Variants in MACROD2 observed in about 807,000 individuals in gnomAD.
The protein encoded by MACROD2 is mono-ADP ribosylhydrolase 2, also known as ADP-ribose glycohydrolase MACROD2.
Under a neutral mutation model 70.4 loss-of-function variants are expected in MACROD2, and 36 were observed. That is an observed-to-expected ratio of 0.51 (90% CI 0.39 to 0.68). The LOEUF is 0.68. MACROD2 is among the 30% of genes least tolerant of loss of function. The pLI is 0.00. For synonymous variants in MACROD2, 172 were observed against 178.8 expected (o/e 0.96, Z 0.30); for missense variants, 496 against 538.4 (o/e 0.92, Z 0.78).
intron 8 of MACROD2, among the ~76,000 whole-genome samples, chr20:15,622,407 C>T (rs1197927773): frequency 6.6e-6 from 1 of 152,154 alleles, no homozygotes; most frequent in African/African-American, 2.4e-5. Context: ...CAAAAAATGG[C>T]ATTACTACTC....
chr20:14,607,822 G>C (rs1982902639), intron 4 of MACROD2, among the ~76,000 whole-genome samples: 2 of 152,074 alleles, frequency 1.3e-5, no homozygotes, highest in African/African-American at 4.8e-5. Flanking sequence ...AGAATCCCAA[G>C]AAGGGCAAAT....
intron 7 of MACROD2, among the ~76,000 whole-genome samples, chr20:15,492,295 G>A (rs1432799362): frequency 6.6e-6 from 1 of 151,626 alleles, no homozygotes; most frequent in African/African-American, 2.4e-5. Context: ...GTTGACAAAA[G>A]CTGTTTTGAG....
chr20:15,752,432 T>G (rs2146983399), intron 8 of MACROD2, among the ~76,000 whole-genome samples: 1 of 152,186 alleles, frequency 6.6e-6, no homozygotes, highest in Non-Finnish European at 1.5e-5. Context: ...TCTCTTTAGT[T>G]GTGATTTCTC....
chr20:14,718,043 C>T (rs976921268), intron 5 of MACROD2, among the ~76,000 whole-genome samples: 1 of 151,640 alleles, frequency 6.6e-6, no homozygotes, highest in Admixed American at 6.6e-5. Flanking sequence ...GCCTGTAATC[C>T]CAGCACTTTG....
chr20:16,042,850 G>T (rs1213110561), intron 16 of MACROD2, among the ~76,000 whole-genome samples: 2 of 152,006 alleles, frequency 1.3e-5, no homozygotes, highest in African/African-American at 4.8e-5. Flanking sequence ...ACTGAGACCT[G>T]CTTTTAAAAC....
chr20:14,312,343 G>A (rs1338292903), intron 3 of MACROD2, among the ~76,000 whole-genome samples: 1 of 152,192 alleles, frequency 6.6e-6, no homozygotes, highest in East Asian at 1.9e-4. Context: ...GTATAGGAAA[G>A]ATTTATGGAT....
intron 5 of MACROD2, among the ~76,000 whole-genome samples, chr20:15,174,742 C>A (rs2076447149): frequency 6.6e-6 from 1 of 152,212 alleles, no homozygotes. Context: ...ATTTGCATTT[C>A]TCTGATAGCC....
At chr20:15,382,418 T>A (rs1419483240) in intron 6 of MACROD2, among the ~76,000 whole-genome samples, 1 of 152,174 alleles carries the variant, frequency 6.6e-6, no homozygotes, top group Non-Finnish European at 1.5e-5. Flanking sequence ...AAATCATGCT[T>A]CTTTAATGAA....
chr20:14,943,293 T>C (rs2074405248), intron 5 of MACROD2, among the ~76,000 whole-genome samples: 1 of 152,192 alleles, frequency 6.6e-6, no homozygotes, highest in Non-Finnish European at 1.5e-5. Flanking sequence ...TTTAAGTATG[T>C]TAAATGTCTA....
chr20:14,910,337 C>A (rs1261792601), intron 5 of MACROD2, among the ~76,000 whole-genome samples: 2 of 152,142 alleles, frequency 1.3e-5, no homozygotes, highest in Non-Finnish European at 2.9e-5. Context: ...AGCAGAATTA[C>A]AGTGTGTTAT....
intron 7 of MACROD2, among the ~76,000 whole-genome samples, chr20:15,480,823 G>A (rs2047087213): frequency 6.6e-6 from 1 of 152,094 alleles, no homozygotes; most frequent in African/African-American, 2.4e-5. Flanking sequence ...GTCCCTCCAT[G>A]ACTGTGGTTA....
intron 5 of MACROD2, among the ~76,000 whole-genome samples, chr20:14,738,428 T>G (rs556275386): frequency 6.6e-6 from 1 of 152,098 alleles, no homozygotes; most frequent in Admixed American, 6.5e-5. Context: ...TCCTACCCTA[T>G]CTGAAACCAA....
chr20:15,186,218 C>G (rs1026967523), intron 5 of MACROD2, among the ~76,000 whole-genome samples: 1 of 152,032 alleles, frequency 6.6e-6, no homozygotes, highest in Non-Finnish European at 1.5e-5. Context: ...GGCTCTCTAT[C>G]TAGATTTGAA....
At chr20:15,692,226 G>T (rs140984568) in intron 8 of MACROD2, among the ~76,000 whole-genome samples, 20 of 152,158 alleles carry the variant, frequency 1.3e-4, no homozygotes, top group South Asian at 6.2e-4. Context: ...TTGATGGATT[G>T]AGACTTCTCT....
intron 4 of MACROD2, among the ~76,000 whole-genome samples, chr20:14,560,201 A>G (rs2024923): frequency 0.11 from 16,041 of 151,682 alleles, 1,264 homozygotes; most frequent in South Asian, 0.33. Context: ...ATTTCATTAA[A>G]AAGAATTTTA....
intron 5 of MACROD2, among the ~76,000 whole-genome samples, chr20:15,099,088 C>A (rs2075853653): frequency 6.6e-6 from 1 of 152,184 alleles, no homozygotes; most frequent in Admixed American, 6.5e-5. Flanking sequence ...CATGTCTGAA[C>A]TGGAACATGG....
intron 15 of MACROD2, among the ~76,000 whole-genome samples, chr20:16,025,622 T>TTGGGGGACGGCGGGG (rs2067068183): frequency 6.6e-6 from 1 of 151,668 alleles, no homozygotes; most frequent in African/African-American, 2.4e-5. Flanking sequence ...GGATGGCGGG[T>TTGGGGGACGGCGGGG]TGGGGGACAT....
intron 15 of MACROD2, among the ~76,000 whole-genome samples, chr20:16,025,760 A>C (rs1212936636): frequency 1.3e-5 from 2 of 152,122 alleles, no homozygotes; most frequent in African/African-American, 4.8e-5. Context: ...TGGCATTCTA[A>C]ACCATGCCAT....
At chr20:15,769,771 AT>A (rs1264499270) in intron 8 of MACROD2, among the ~76,000 whole-genome samples, 1 of 152,176 alleles carries the variant, frequency 6.6e-6, no homozygotes, top group African/African-American at 2.4e-5. Flanking sequence ...GAATCTCCAT[AT>A]TTACTTCTCT....
Sources: allele counts gnomAD v4.1 joint callset (sites outside exome capture counted in the v4.1 genomes callset), GRCh38; gene constraint gnomAD v4.1.1; transcripts MANE v1.5; gene names NCBI Gene and HGNC (gene_info 2026-07-23, HGNC 2026-07-21).